FMN1: variants seen among roughly 807,000 people sequenced by gnomAD.
FMN1 encodes the protein formin-1.
A neutral mutation model predicts 132.4 loss-of-function variants in FMN1; 110 were observed. That is an observed-to-expected ratio of 0.83 (90% CI 0.71 to 0.97). The LOEUF (loss-of-function observed/expected upper bound fraction) is 0.97. FMN1 is among the 50% of genes least tolerant of loss of function. The pLI is 0.00. For synonymous variants in FMN1, 722 were observed against 651.7 expected, an observed-to-expected ratio of 1.11 and a Z score of -1.64; for missense variants, 1,792 against 1,705.3, an observed-to-expected ratio of 1.05 and a Z score of -0.90.
intron 19 of FMN1, among the ~76,000 whole-genome samples, chr15:32,792,307 T>C (rs886372349): frequency 7.0e-6 from 1 of 142,634 alleles, no homozygotes; most frequent in Non-Finnish European, 1.5e-5. Flanking sequence ...TAGCCGGGCG[T>C]GGTGGCAGAC....
chr15:32,966,082 T>C (rs1189830960), intron 8 of FMN1, among the ~76,000 whole-genome samples: 1 of 152,020 alleles, frequency 6.6e-6, no homozygotes, highest in East Asian at 1.9e-4. Flanking sequence ...CTTGGGAAGG[T>C]TCTGGGCAGC....
At chr15:32,820,151 T>C (rs1179756360) in intron 17 of FMN1, among the ~76,000 whole-genome samples, 3 of 152,168 alleles carry the variant, frequency 2.0e-5, no homozygotes, top group Non-Finnish European at 4.4e-5. Flanking sequence ...AAACTCCCTG[T>C]ATTGTAAAAA....
At chr15:32,848,999 T>TTTTTTTTTTTTTC (rs1304625395) in intron 17 of FMN1, among the ~76,000 whole-genome samples, 1 of 145,004 alleles carries the variant, frequency 6.9e-6, no homozygotes, top group African/African-American at 2.6e-5. Flanking sequence ...TTTTTTTTTT[T>TTTTTTTTTTTTTC]CAGAGACAGA....
intron 17 of FMN1, among the ~76,000 whole-genome samples, chr15:32,851,303 A>T (rs1374809985): frequency 1.3e-5 from 2 of 152,154 alleles, no homozygotes; most frequent in African/African-American, 4.8e-5. Context: ...TATAAATACA[A>T]ATGACCAATT....
At chr15:33,192,585 A>G (rs1482861874) in intron 2 of FMN1, among the ~76,000 whole-genome samples, 1 of 152,202 alleles carries the variant, frequency 6.6e-6, no homozygotes, top group Non-Finnish European at 1.5e-5. Context: ...AGTACTTGTG[A>G]AGGCTGGTGA....
At chr15:33,040,381 ACTCT>A (rs1261376879) in intron 6 of FMN1, among the ~76,000 whole-genome samples, 1 of 152,002 alleles carries the variant, frequency 6.6e-6, no homozygotes, top group African/African-American at 2.4e-5. Context: ...TCCCAACCCT[ACTCT>A]CTGTCACCTA....
chr15:32,931,989 T>TG (rs1166459708), intron 9 of FMN1, among the ~76,000 whole-genome samples: 1 of 152,254 alleles, frequency 6.6e-6, no homozygotes, highest in Non-Finnish European at 1.5e-5. Flanking sequence ...TTTTATCATT[T>TG]GTTCTTTTAA....
At chr15:33,169,714 A>G (rs1464293739) in intron 3 of FMN1, among the ~76,000 whole-genome samples, 1 of 143,816 alleles carries the variant, frequency 7.0e-6, no homozygotes, top group Non-Finnish European at 1.5e-5. Context: ...CCAGCTTTTT[A>G]TAAAAAGCCT....
chr15:33,130,557 T>C (rs1451251217), intron 4 of FMN1, among the ~76,000 whole-genome samples: 1 of 148,014 alleles, frequency 6.8e-6, no homozygotes, highest in Non-Finnish European at 1.5e-5. Context: ...TTTAAGCAAT[T>C]TTGATGACAA....
intron 3 of FMN1, among the ~76,000 whole-genome samples, chr15:33,170,727 AC>A (rs1319145064): frequency 1.1e-4 from 17 of 152,208 alleles, no homozygotes; most frequent in Admixed American, 1.1e-3. Context: ...CTAATAGCAG[AC>A]AAAAAAATAA....
intron 9 of FMN1, among the ~76,000 whole-genome samples, chr15:32,958,773 G>A (rs1194183515): frequency 1.3e-5 from 2 of 152,186 alleles, no homozygotes; most frequent in Non-Finnish European, 2.9e-5. Context: ...TGGGTGCAGT[G>A]GCTCACGCCT....
chr15:32,990,598 G>T (rs967810328), intron 7 of FMN1, among the ~76,000 whole-genome samples: 1 of 152,170 alleles, frequency 6.6e-6, no homozygotes, highest in Non-Finnish European at 1.5e-5. Flanking sequence ...GTAAAGGATA[G>T]CTGAATTTAT....
In FMN1 at chr15:32,814,470, T is replaced by C. The variant is rs180764028; in HGVS notation, c.3929-10138A>G. Among the ~76,000 whole-genome samples, 574 of 152,326 alleles carry C rather than the reference T, an allele frequency of 3.8e-3. 5 individuals carry two copies. Among genetic ancestry groups the C allele is most frequent in the Non-Finnish European group, 5.4e-3 (370 of 68,020 alleles). The stretch of plus-strand genomic sequence containing the variant: ...CTTTAGAAGTATTTCAGGTGTCATG[T>C]AGGGAAACTAAACTCTATAGCCTCA... On this transcript the variant is annotated intron_variant, in intron 17 of 20. Transcript: ENST00000616417.
chr15:33,185,568 A>ATTTTTTTTTTT (rs57232200), intron 2 of FMN1, among the ~76,000 whole-genome samples: 2,072 of 113,132 alleles, frequency 0.018, 150 homozygotes, highest in African/African-American at 0.056. Context: ...TAAAGTAAGA[A>ATTTTTTTTTTT]TTTTTTTTTT....
intron 6 of FMN1, among the ~76,000 whole-genome samples, chr15:33,019,934 G>A (rs1201070655): frequency 6.6e-6 from 1 of 152,234 alleles, no homozygotes; most frequent in Admixed American, 6.5e-5. Context: ...CGGGTGCAGT[G>A]GTGGGCTGAA....
intron 5 of FMN1, among the ~76,000 whole-genome samples, chr15:33,084,809 G>A (rs1054431819): frequency 6.6e-6 from 1 of 152,136 alleles, no homozygotes; most frequent in Non-Finnish European, 1.5e-5. Flanking sequence ...AACAGCTGTA[G>A]CCTTAACACC....
intron 4 of FMN1, among the ~76,000 whole-genome samples, chr15:33,101,157 A>C (rs2039279382): frequency 6.6e-6 from 1 of 152,226 alleles, no homozygotes; most frequent in Non-Finnish European, 1.5e-5. Flanking sequence ...AACAAGCCTT[A>C]ACCACCAAAG....
intron 3 of FMN1, among the ~76,000 whole-genome samples, chr15:33,159,583 A>T (rs1964809290): frequency 6.6e-6 from 1 of 152,244 alleles, no homozygotes; most frequent in Non-Finnish European, 1.5e-5. Context: ...AAAAACACCA[A>T]TATAAAATGC....
chr15:32,955,518 G>A (rs1250517777), intron 9 of FMN1, among the ~76,000 whole-genome samples: 1 of 152,006 alleles, frequency 6.6e-6, no homozygotes, highest in Non-Finnish European at 1.5e-5. Context: ...CCAAGCACAG[G>A]CGCTCAGCCT....
Sources: allele counts gnomAD v4.1 joint callset (sites outside exome capture counted in the v4.1 genomes callset), GRCh38; gene constraint gnomAD v4.1.1; transcripts MANE v1.5; gene names NCBI Gene and HGNC (gene_info 2026-07-23, HGNC 2026-07-21).